FNDC3A: variants seen among roughly 807,000 people sequenced by gnomAD.
The protein encoded by FNDC3A is fibronectin type III domain containing 3A, also known as fibronectin type-III domain-containing protein 3A.
Under a neutral mutation model 148.9 loss-of-function variants are expected in FNDC3A, and 32 were observed. That is an observed-to-expected ratio of 0.21 (90% CI 0.16 to 0.29). FNDC3A has a LOEUF of 0.29. Ranked by LOEUF, FNDC3A falls within the 10% of genes least tolerant of loss-of-function variation. FNDC3A has a pLI of 1.00. For missense variants in FNDC3A, 1,191 were observed against 1,452.8 expected, an observed-to-expected ratio of 0.82 and a Z score of 2.93; for synonymous variants, 472 against 473.6, an observed-to-expected ratio of 1.00 and a Z score of 0.04.
chr13:49,184,292 T>C (rs1158967721), intron 14 of FNDC3A, among the ~76,000 whole-genome samples: 1 of 152,174 alleles, frequency 6.6e-6, no homozygotes, highest in African/African-American at 2.4e-5. Context: ...GGTTCTGAGC[T>C]AAGCAGTGAT....
At chr13:49,025,333 A>G (rs934047959) in intron 2 of FNDC3A, among the ~76,000 whole-genome samples, 4 of 152,110 alleles carry the variant, frequency 2.6e-5, no homozygotes, top group African/African-American at 9.6e-5. Flanking sequence ...ATATACTTGA[A>G]AAATGTATAT....
intron 4 of FNDC3A, among the ~76,000 whole-genome samples, chr13:49,116,442 A>T (rs188980585): frequency 6.6e-6 from 1 of 152,290 alleles, no homozygotes; most frequent in East Asian, 1.9e-4. Context: ...AGAGGCAAAG[A>T]CTCATGCCGC....
At chr13:49,000,361 G>C (rs1300096542) in intron 1 of FNDC3A, among the ~76,000 whole-genome samples, 5 of 152,110 alleles carry the variant, frequency 3.3e-5, no homozygotes, top group Admixed American at 1.3e-4. Flanking sequence ...AATGATCTTG[G>C]CACTCTCGTT....
At chr13:49,021,667 T>A (rs995394772) in intron 2 of FNDC3A, among the ~76,000 whole-genome samples, 1 of 152,194 alleles carries the variant, frequency 6.6e-6, no homozygotes, top group African/African-American at 2.4e-5. Flanking sequence ...GAACATACTG[T>A]TGCAAGCCTT....
chr13:49,037,730 A>G (rs951425284), intron 2 of FNDC3A, among the ~76,000 whole-genome samples: 1 of 152,208 alleles, frequency 6.6e-6, no homozygotes, highest in African/African-American at 2.4e-5. Flanking sequence ...CTCTCTGTTC[A>G]GCCACTGAGA....
At chr13:49,112,604 C>T (rs1289944096) in intron 3 of FNDC3A, among the ~76,000 whole-genome samples, 1 of 152,162 alleles carries the variant, frequency 6.6e-6, no homozygotes, top group Non-Finnish European at 1.5e-5. Flanking sequence ...CAAATTATAT[C>T]AGTTGCCAAT....
intron 1 of FNDC3A, among the ~76,000 whole-genome samples, chr13:49,001,438 A>T (rs1166785883): frequency 6.6e-6 from 1 of 152,200 alleles, no homozygotes; most frequent in African/African-American, 2.4e-5. Flanking sequence ...ATAAAACAGG[A>T]TAACAGCAAT....
At chr13:49,072,865 G>T (rs1383889786) in intron 2 of FNDC3A, among the ~76,000 whole-genome samples, 1 of 152,146 alleles carries the variant, frequency 6.6e-6, no homozygotes, top group Non-Finnish European at 1.5e-5. Flanking sequence ...TATTTTGGTG[G>T]AGTCTTTAGG....
intron 2 of FNDC3A, among the ~76,000 whole-genome samples, chr13:49,042,100 G>T (rs528306557): frequency 6.6e-6 from 1 of 152,220 alleles, no homozygotes; most frequent in African/African-American, 2.4e-5. Flanking sequence ...GAGTAAAAAG[G>T]AGCCAGCCTT....
chr13:49,073,905 G>T (rs1205050894), intron 2 of FNDC3A, among the ~76,000 whole-genome samples: 2 of 149,312 alleles, frequency 1.3e-5, no homozygotes, highest in East Asian at 2.0e-4. Flanking sequence ...TCCCAAATTG[G>T]AAACATTTTT....
At chr13:48,981,168 T>G in intron 1 of FNDC3A, among the ~76,000 whole-genome samples, 1 of 152,156 alleles carries the variant, frequency 6.6e-6, no homozygotes, top group East Asian at 1.9e-4. Flanking sequence ...TCCCTCTTTT[T>G]TTGTGAATGC....
At chr13:49,133,423 A>T (rs1009413974) in intron 5 of FNDC3A, among the ~76,000 whole-genome samples, 1 of 152,228 alleles carries the variant, frequency 6.6e-6, no homozygotes, top group African/African-American at 2.4e-5. Context: ...CATGGATGTG[A>T]TCTACATTGA....
At chr13:49,058,426 A>C (rs1876416493) in intron 2 of FNDC3A, among the ~76,000 whole-genome samples, 1 of 152,060 alleles carries the variant, frequency 6.6e-6, no homozygotes, top group African/African-American at 2.4e-5. Flanking sequence ...TCTGCCTTTT[A>C]GTTTTTACTT....
chr13:49,094,861 C>T (rs1228456258), intron 3 of FNDC3A, among the ~76,000 whole-genome samples: 1 of 151,924 alleles, frequency 6.6e-6, no homozygotes, highest in Non-Finnish European at 1.5e-5. Context: ...TAGGTGTTTG[C>T]TTTAATCAGG....
chr13:48,990,489 TGCCTGTAATCCCA>T (rs1021047754), intron 1 of FNDC3A, among the ~76,000 whole-genome samples: 6 of 147,554 alleles, frequency 4.1e-5, no homozygotes, highest in African/African-American at 1.5e-4. Flanking sequence ...TGGTGGCTCG[TGCCTGTAATCCCA>T]GCACTTTCGG....
chr13:49,190,189 T>G (rs2138104701), intron 17 of FNDC3A, among the ~76,000 whole-genome samples: 1 of 152,310 alleles, frequency 6.6e-6, no homozygotes, highest in South Asian at 2.1e-4. Context: ...CCCGGCCCAG[T>G]GTGGCATTGT....
intron 8 of FNDC3A, among the ~76,000 whole-genome samples, chr13:49,162,049 T>C (rs955182781): frequency 1.3e-5 from 2 of 152,202 alleles, no homozygotes; most frequent in African/African-American, 4.8e-5. Context: ...ATTTTTTCCT[T>C]CATTTCAACT....
intron 1 of FNDC3A, among the ~76,000 whole-genome samples, chr13:48,986,883 T>C (rs1003377556): frequency 9.9e-5 from 15 of 152,258 alleles, no homozygotes; most frequent in African/African-American, 2.9e-4. Flanking sequence ...GATTTTATTA[T>C]GATAAAATTA....
intron 1 of FNDC3A, among the ~76,000 whole-genome samples, chr13:48,980,002 A>G (rs1198449113): frequency 1.3e-5 from 2 of 152,068 alleles, no homozygotes; most frequent in African/African-American, 4.8e-5. Flanking sequence ...TTCTTGCATC[A>G]TCTTGTCTAT....
Sources: allele counts gnomAD v4.1 joint callset (sites outside exome capture counted in the v4.1 genomes callset), GRCh38; gene constraint gnomAD v4.1.1; transcripts MANE v1.5; gene names NCBI Gene and HGNC (gene_info 2026-07-23, HGNC 2026-07-21).